The following IL4R variants were observed in gnomAD, a reference collection of about 807,000 sequenced individuals.
IL4R encodes the protein interleukin-4 receptor subunit alpha.
In IL4R, 17 loss-of-function variants were observed where a neutral mutation model predicts 41.5. The ratio of observed to expected loss-of-function variants is 0.41; its 90% CI spans 0.28 to 0.61. The LOEUF is 0.61. Ranked by LOEUF, IL4R falls within the 20% of genes least tolerant of loss-of-function variation. The pLI is 0.31. For synonymous variants in IL4R, 402 were observed against 422.9 expected (o/e 0.95, Z 0.61); for missense variants, 974 against 1,043.1 (o/e 0.93, Z 0.91).
intron 1 of IL4R, among the ~76,000 whole-genome samples, chr16:27,322,841 G>C (rs1466553647): frequency 6.6e-6 from 1 of 152,140 alleles, no homozygotes; most frequent in Admixed American, 6.5e-5. Context: ...AACAACAGCA[G>C]CCTTGCAACC....
chr16:27,355,734 C>T, intron 7 of IL4R, 74 bp from the exon 8 acceptor site: 1 of 1,055,158 alleles, frequency 9.5e-7, no homozygotes, highest in Non-Finnish European at 1.5e-6. Flanking sequence ...GACCCTGGGT[C>T]TCCAGTCCTG....
At chr16:27,334,798 G>A (rs922888321) in intron 2 of IL4R, among the ~76,000 whole-genome samples, 2 of 152,098 alleles carry the variant, frequency 1.3e-5, no homozygotes, top group Admixed American at 1.3e-4. Flanking sequence ...CCTTTGAGCC[G>A]ATACAGAGCC....
intron 7 of IL4R, among the ~76,000 whole-genome samples, chr16:27,354,591 T>C (rs995512970): frequency 6.6e-6 from 1 of 152,234 alleles, no homozygotes; most frequent in Non-Finnish European, 1.5e-5. Flanking sequence ...TAATCGTGAT[T>C]GGCTCAAGCC....
chr16:27,359,993 C>T (rs929036251), intron 9 of IL4R, among the ~76,000 whole-genome samples: 1 of 150,956 alleles, frequency 6.6e-6, no homozygotes, highest in Non-Finnish European at 1.5e-5. Context: ...CGTAGCCTCC[C>T]TCCGTGTCTG....
intron 1 of IL4R, among the ~76,000 whole-genome samples, chr16:27,322,731 A>G (rs1275458001): frequency 2.0e-5 from 3 of 152,068 alleles, no homozygotes; most frequent in Admixed American, 2.0e-4. Context: ...CAAAAAAACC[A>G]TCCACCTTCT....
At chr16:27,336,416 C>A (rs979869563) in intron 2 of IL4R, among the ~76,000 whole-genome samples, 2 of 152,002 alleles carry the variant, frequency 1.3e-5, no homozygotes, top group African/African-American at 4.8e-5. Context: ...GTGGCTCACG[C>A]CTGTAATCCC....
chr16:27,363,346 C>G lies in IL4R; in HGVS notation c.1994C>G (p.Pro665Arg), dbSNP rs372491173. Reference sequence around the variant, plus strand: ...CTGGACAGGGAGCCACCTCGCAGTCCGCAGAGCTCACATCTCCCAAGCAGC... The same window carrying G: ...CTGGACAGGGAGCCACCTCGCAGTCGGCAGAGCTCACATCTCCCAAGCAGC... ...FGLDREPPRS[P>R]QSSHLPSSSP... Residue 665 changes from proline to arginine, a missense_variant, in exon 11 of 11, where the codon CCG (proline) becomes CGG (arginine). Transcript: ENST00000395762. 1.1e-5 allele frequency: 18 copies of G among 1,613,838 alleles called. No individual in the cohort carries two copies. Among genetic ancestry groups the G allele is most frequent in the Admixed American group, 3.3e-5 (2 of 59,986 alleles).
Position 27,358,977 on chromosome 16 carries a change from A to G in IL4R, c.832A>G (p.Ile278Val), listed in dbSNP as rs1278403331. The change falls in exon 9 of 11, where the codon ATA becomes GTA. Residue 278 changes from isoleucine to valine, a missense_variant. Physicochemically the swap from Ile to Val is conservative, Grantham distance 29. Transcript: ENST00000395762. The part of the protein sequence containing the change: ...NPARSRLVAI[I>V]IQDAQGSQWE... ...AGCCCGCAGCCGCCTCGTGGCTATA[A>G]TAATCCAGGATGCTCAGGTAGGAGT... 1.2e-6 allele frequency: 2 copies of G among 1,613,604 alleles called. No homozygotes were observed. Among genetic ancestry groups the G allele is most frequent in the Non-Finnish European group, 8.5e-7 (1 of 1,179,488 alleles).
At chr16:27,327,516 C>G (rs986339400) in intron 1 of IL4R, among the ~76,000 whole-genome samples, 1 of 152,180 alleles carries the variant, frequency 6.6e-6, no homozygotes, top group Non-Finnish European at 1.5e-5. Context: ...GCGGCCTTCA[C>G]TGACTTTGCT....
At chr16:27,314,568 T>G (rs899408359) in intron 1 of IL4R, among the ~76,000 whole-genome samples, 2 of 152,194 alleles carry the variant, frequency 1.3e-5, no homozygotes, top group Non-Finnish European at 2.9e-5. Context: ...AACTTCTCTG[T>G]GGCCGGTGCT....
chr16:27,351,513 T>C (rs190773729), intron 6 of IL4R, among the ~76,000 whole-genome samples: 42 of 97,254 alleles, frequency 4.3e-4, no homozygotes, highest in East Asian at 8.4e-4. Flanking sequence ...TCTCTCTCTT[T>C]TTTTTTTTTT....
intron 5 of IL4R, among the ~76,000 whole-genome samples, chr16:27,346,208 G>T (rs2085637032): frequency 6.6e-6 from 1 of 152,198 alleles, no homozygotes; most frequent in Non-Finnish European, 1.5e-5. Context: ...CTGGGCAACA[G>T]AGTGGGACCC....
chr16:27,321,100 C>T (rs899989506), intron 1 of IL4R, among the ~76,000 whole-genome samples: 11 of 152,182 alleles, frequency 7.2e-5, no homozygotes, highest in Non-Finnish European at 8.8e-5. Context: ...CACACCACCA[C>T]GCCTGGCTAA....
In IL4R at chr16:27,357,108, G is replaced by A. The variant is rs545039284; in HGVS notation, c.770+1201G>A. ...CCACTCTTGGCCCAGCACACACTAG[G>A]TAGGCAGGGAATGCAAATTCCCCTC... is the stretch of plus-strand genomic sequence containing the variant. On this transcript the variant is annotated intron_variant, in intron 8 of 10. Coordinates refer to ENST00000395762, the MANE Select transcript of IL4R (RefSeq NM_000418.4). 1.6e-4 allele frequency among the ~76,000 whole-genome samples: 25 copies of A among 152,238 alleles called. No individual in the cohort carries two copies. In the South Asian group the frequency reaches 5.0e-3, roughly 30 times the overall value.
At chr16:27,340,143 G>A (rs888304909) in intron 2 of IL4R, 43 bp from the exon 3 acceptor site, 3 of 1,331,046 alleles carry the variant, frequency 2.3e-6, no homozygotes, top group African/African-American at 1.4e-5. Context: ...GAGCTCTGCT[G>A]GAAGCACAGG....
chr16:27,337,034 G>A (rs1341415484), intron 2 of IL4R, among the ~76,000 whole-genome samples: 2 of 152,088 alleles, frequency 1.3e-5, no homozygotes, highest in Non-Finnish European at 1.5e-5. Flanking sequence ...CCGAGATCGC[G>A]CCATTGCACT....
At chr16:27,339,335 C>T (rs2085363040) in intron 2 of IL4R, among the ~76,000 whole-genome samples, 2 of 152,094 alleles carry the variant, frequency 1.3e-5, no homozygotes, top group Non-Finnish European at 1.5e-5. Flanking sequence ...TGTAAATTAC[C>T]TGCTCTAAGG....
intron 1 of IL4R, among the ~76,000 whole-genome samples, chr16:27,326,882 G>A (rs546167057): frequency 6.6e-6 from 1 of 152,112 alleles, no homozygotes; most frequent in Non-Finnish European, 1.5e-5. Flanking sequence ...TGGGGCCCTG[G>A]CCTGGCCTGC....
At chr16:27,338,281 G>A (rs72782401) in intron 2 of IL4R, among the ~76,000 whole-genome samples, 1,918 of 151,316 alleles carry the variant, frequency 0.013, 32 homozygotes, top group Non-Finnish European at 0.02. Context: ...GCAGTGGTAC[G>A]GTCTTGGCTT....
Sources: gnomAD v4.1 joint callset for allele counts (sites outside exome capture counted in the v4.1 genomes callset) on GRCh38, gnomAD v4.1.1 for gene constraint, MANE v1.5 for transcripts, NCBI Gene and HGNC (gene_info 2026-07-23, HGNC 2026-07-21) for gene names.